The following FGD5 variants were observed in gnomAD, a reference collection of about 807,000 sequenced individuals.
FGD5 encodes FYVE, RhoGEF and PH domain containing 5.
FGD5 carries 28 observed loss-of-function variants against 133.4 expected under a neutral mutation model. That is an observed-to-expected ratio of 0.21 (90% CI 0.16 to 0.29). FGD5 has a LOEUF of 0.29. FGD5 is among the 10% of genes least tolerant of loss of function. The pLI, the probability that FGD5 is intolerant of heterozygous loss-of-function variation, is 1.00. For synonymous variants in FGD5, 810 were observed against 776.5 expected (o/e 1.04, Z -0.72); for missense variants, 1,858 against 1,895.2 (o/e 0.98, Z 0.36).
intron 13 of FGD5, 145 bp downstream of exon 13, chr3:14,918,978 T>G (rs2038619009): frequency 3.6e-6 from 3 of 839,134 alleles, no homozygotes; most frequent in Middle Eastern, 2.4e-4. Context: ...TTTTTTTCTT[T>G]TCAGTGTTTC....
rs186257976 is a variant in FGD5 at position 14,899,106 on chromosome 3, G to T, written c.3154+280G>T. ...TTGCACTTCCTCCCTGCCTCAGCTGGCCATCTCCTCATTTCACTGAAGCCA... is the reference window on the plus strand; with the variant it reads ...TTGCACTTCCTCCCTGCCTCAGCTGTCCATCTCCTCATTTCACTGAAGCCA... On this transcript the variant is annotated intron_variant, in intron 7 of 19. Coordinates refer to ENST00000285046, the MANE Select transcript of FGD5 (RefSeq NM_152536.4). Among the ~76,000 whole-genome samples, 490 of 152,154 alleles carry T rather than the reference G, an allele frequency of 3.2e-3. 1 individual carries two copies. Among genetic ancestry groups the T allele is most frequent in the Non-Finnish European group, 5.8e-3 (396 of 68,008 alleles).
At chr3:14,847,448 C>T (rs537415049) in intron 1 of FGD5, among the ~76,000 whole-genome samples, 4 of 152,282 alleles carry the variant, frequency 2.6e-5, no homozygotes, top group East Asian at 3.9e-4. Flanking sequence ...GTTGGAAAGC[C>T]GAGCCCAATT....
chr3:14,841,242 G>T (rs1248716622), intron 1 of FGD5, among the ~76,000 whole-genome samples: 1 of 152,192 alleles, frequency 6.6e-6, no homozygotes, highest in African/African-American at 2.4e-5. Context: ...CATCTGAGAT[G>T]GGAACTATGC....
At chr3:14,905,344 G>A (rs184345326) in intron 9 of FGD5, among the ~76,000 whole-genome samples, 21 of 152,216 alleles carry the variant, frequency 1.4e-4, no homozygotes, top group Admixed American at 1.0e-3. Context: ...GCTGTGATGC[G>A]TCTGTGTGTG....
At chr3:14,910,510 G>A (rs1028466552) in intron 10 of FGD5, among the ~76,000 whole-genome samples, 2 of 152,156 alleles carry the variant, frequency 1.3e-5, no homozygotes, top group African/African-American at 4.8e-5. Context: ...GTCTTAGGCT[G>A]CAGACACACA....
chr3:14,830,352 A>G (rs1472046500), intron 1 of FGD5, among the ~76,000 whole-genome samples: 2 of 152,222 alleles, frequency 1.3e-5, no homozygotes, highest in Non-Finnish European at 2.9e-5. Flanking sequence ...TCTTTTAGCA[A>G]TAATTTTTAA....
At chr3:14,827,167 GGAT>G (rs1452543766) in intron 1 of FGD5, among the ~76,000 whole-genome samples, 1 of 152,044 alleles carries the variant, frequency 6.6e-6, no homozygotes, top group Non-Finnish European at 1.5e-5. Flanking sequence ...TCTGTCACAT[GGAT>G]GATAAGTGGC....
At chr3:14,927,597 G>GA (rs1262883567) in intron 18 of FGD5, among the ~76,000 whole-genome samples, 4 of 151,940 alleles carry the variant, frequency 2.6e-5, no homozygotes, top group Non-Finnish European at 5.9e-5. Flanking sequence ...TACCATCAAA[G>GA]AAAAAAAGGT....
rs1358246682 is a variant in FGD5, at chr3:14,851,988, A to G, written c.2526-12140A>G. ...ACTGTAGAGAAATTAGAACCCTCAT[A>G]CACTCCTGGTAGGAATGTGGAATGA... On this transcript the variant is annotated intron_variant, in intron 1 of 19. Transcript: ENST00000285046. Among the ~76,000 whole-genome samples, 3 of 152,064 alleles carry G rather than the reference A, an allele frequency of 2.0e-5. No homozygotes were observed. The East Asian group carries it at 5.8e-4, about 29-fold the overall frequency.
intron 1 of FGD5, among the ~76,000 whole-genome samples, chr3:14,860,935 T>C (rs2125102330): frequency 6.6e-6 from 1 of 152,276 alleles, no homozygotes; most frequent in East Asian, 1.9e-4. Context: ...GCTATGATCA[T>C]ACCAGTGCAC....
rs1294150850 is a variant in FGD5, at chr3:14,922,925, C to G, written c.3808-121C>G. 10 of 1,405,350 alleles carry G rather than the reference C, an allele frequency of 7.1e-6. No homozygotes were observed. In the African/African-American group the frequency reaches 1.3e-4, roughly 18 times the overall value. The allele number at this position is 1,405,350 out of a possible 1,614,324, so 87.1% of individuals were successfully genotyped here. On this transcript the variant is annotated intron_variant, in intron 15 of 19. Coordinates refer to ENST00000285046, the MANE Select transcript of FGD5 (RefSeq NM_152536.4). The surrounding 1 kb of genome is among the most constrained non-coding windows in gnomAD (Gnocchi z 4.1). Reference sequence around the variant, plus strand: ...TAGGGGACACGCACAGCTCCATGATCAGAACCTGGGGCTCCCTAGGGGCAG... The same window carrying G: ...TAGGGGACACGCACAGCTCCATGATGAGAACCTGGGGCTCCCTAGGGGCAG...
chr3:14,923,906 A>G (rs2038735844), intron 16 of FGD5, 102 bp from the exon 17 acceptor site: 5 of 1,429,862 alleles, frequency 3.5e-6, no homozygotes, highest in African/African-American at 1.4e-5. Flanking sequence ...CTTAACCCCC[A>G]TGGCTCACAT....
intron 9 of FGD5, among the ~76,000 whole-genome samples, chr3:14,905,107 ATTAAT>A (rs2038314616): frequency 1.3e-5 from 2 of 152,120 alleles, no homozygotes; most frequent in Non-Finnish European, 2.9e-5. Flanking sequence ...CCTACCACCC[ATTAAT>A]TTAATTGTTC....
rs775325984 is a variant in FGD5 at position 14,819,491 on chromosome 3, C to T, written c.420C>T (p.Asp140=). ...GCAGGGAGGGTGAGGAAGGCACAGACCTTGCTCTTGAGGATGAAGGGGAGG... is the reference window on the plus strand; with the variant it reads ...GCAGGGAGGGTGAGGAAGGCACAGATCTTGCTCTTGAGGATGAAGGGGAGG... ...ALSREGEEGT[D]LALEDEGEGC... is the part of the protein sequence containing the mutation. The change falls in exon 1 of 20, where the codon GAC becomes GAT. Residue 140 remains aspartate (D), a synonymous_variant. Transcript: ENST00000285046. The surrounding 1 kb of genome is among the most constrained non-coding windows in gnomAD (Gnocchi z 4.1). 6 of 1,551,334 alleles carry T rather than the reference C, an allele frequency of 3.9e-6. No individual in the cohort carries two copies. In the Middle Eastern group the frequency reaches 6.7e-4, roughly 173 times the overall value.
At chr3:14,928,803 A>G (rs1298526328) in intron 18 of FGD5, among the ~76,000 whole-genome samples, 2 of 152,224 alleles carry the variant, frequency 1.3e-5, no homozygotes, top group South Asian at 2.1e-4. Context: ...GGATTGTACA[A>G]TTAACATTTC....
chr3:14,862,092 C>T (rs997565174), intron 1 of FGD5, among the ~76,000 whole-genome samples: 7 of 152,122 alleles, frequency 4.6e-5, no homozygotes, highest in African/African-American at 7.2e-5. Context: ...GTAAGCCTGA[C>T]GCTCACATAG....
intron 1 of FGD5, among the ~76,000 whole-genome samples, chr3:14,832,135 G>T (rs1026785232): frequency 6.6e-6 from 1 of 152,174 alleles, no homozygotes; most frequent in Admixed American, 6.5e-5. Flanking sequence ...GGTGGCGACG[G>T]TCTCTTCATC....
At chr3:14,868,428 G>A (rs917196707) in intron 2 of FGD5, among the ~76,000 whole-genome samples, 18 of 152,224 alleles carry the variant, frequency 1.2e-4, no homozygotes, top group African/African-American at 3.4e-4. Context: ...CCGGCTGACC[G>A]GTGTCCCTGG....
chr3:14,919,693 G>A (rs906383860), intron 13 of FGD5, among the ~76,000 whole-genome samples: 1 of 152,212 alleles, frequency 6.6e-6, no homozygotes, highest in Non-Finnish European at 1.5e-5. Flanking sequence ...CCCACAGGCT[G>A]CAGGTCAGGA....
Sources: gnomAD v4.1 joint callset for allele counts (sites outside exome capture counted in the v4.1 genomes callset) on GRCh38, gnomAD v4.1.1 for gene constraint, Gnocchi (gnomAD v3.1) non-coding constraint, MANE v1.5 for transcripts, NCBI Gene and HGNC (gene_info 2026-07-23, HGNC 2026-07-21) for gene names.